CNTNAP2: variants seen among roughly 807,000 people sequenced by gnomAD.
CNTNAP2 encodes the protein contactin-associated protein-like 2.
CNTNAP2 carries 98 observed loss-of-function variants against 155.2 expected under a neutral mutation model. The observed-to-expected ratio is 0.63, with a 90% CI of 0.54 to 0.75. The LOEUF (loss-of-function observed/expected upper bound fraction) is 0.75. Ranked by LOEUF, CNTNAP2 falls within the 30% of genes least tolerant of loss-of-function variation. The probability of loss-of-function intolerance (pLI) is 0.00; values close to 1 mark genes in which losing one functional copy is unlikely to be tolerated. For missense variants in CNTNAP2, 1,727 were observed against 1,688.1 expected (o/e 1.02, Z -0.40); for synonymous variants, 651 against 631.2 (o/e 1.03, Z -0.47).
At chr7:148,236,916 G>C (rs1188198929) in intron 20 of CNTNAP2, among the ~76,000 whole-genome samples, 1 of 152,146 alleles carries the variant, frequency 6.6e-6, no homozygotes, top group Non-Finnish European at 1.5e-5. Flanking sequence ...GCACCAAGAG[G>C]GTGGTGCTAA....
intron 2 of CNTNAP2, among the ~76,000 whole-genome samples, chr7:146,795,881 C>T (rs758561358): frequency 2.0e-5 from 3 of 151,876 alleles, no homozygotes; most frequent in South Asian, 2.1e-4. Flanking sequence ...TATAATAACC[C>T]GAAAATGAAA....
chr7:146,420,348 A>G (rs1795993264), intron 1 of CNTNAP2, among the ~76,000 whole-genome samples: 1 of 152,066 alleles, frequency 6.6e-6, no homozygotes, highest in African/African-American at 2.4e-5. Context: ...GTTAATGAAC[A>G]AAGTCTCTGT....
rs1244532653 is a variant in CNTNAP2 at position 146,931,598 on chromosome 7, G to A, written c.402+91694G>A. ...AAATAACTAAAATCAGAGCAGAACT[G>A]AAGGAAATAGAGACACAAAAAACCC... On this transcript the variant is annotated intron_variant, in intron 3 of 23. Transcript: ENST00000361727. Among the ~76,000 whole-genome samples, 75 of 150,880 alleles carry A rather than the reference G, an allele frequency of 5.0e-4. 1 individual carries two copies. The East Asian group carries it at 0.013, about 25-fold the overall frequency.
At chr7:148,383,530 G>A in intron 21 of CNTNAP2, 119 bp from the exon 22 acceptor site, 1 of 1,421,516 alleles carries the variant, frequency 7.0e-7, no homozygotes, top group Non-Finnish European at 9.9e-7. Context: ...CCAAAACAAT[G>A]TAACATCTTA....
intron 1 of CNTNAP2, among the ~76,000 whole-genome samples, chr7:146,389,437 A>C (rs1318803084): frequency 1.3e-5 from 2 of 151,518 alleles, no homozygotes; most frequent in African/African-American, 2.4e-5. Context: ...TTTTCCTACT[A>C]TCTTTTCTAT....
intron 1 of CNTNAP2, among the ~76,000 whole-genome samples, chr7:146,463,052 G>A (rs1796662377): frequency 6.6e-6 from 1 of 152,084 alleles, no homozygotes; most frequent in Non-Finnish European, 1.5e-5. Flanking sequence ...CAAGGGAAGG[G>A]CAGAAAGAGG....
chr7:147,252,825 T>C (rs1429530613), intron 8 of CNTNAP2, among the ~76,000 whole-genome samples: 1 of 152,206 alleles, frequency 6.6e-6, no homozygotes, highest in Non-Finnish European at 1.5e-5. Flanking sequence ...ATGATGTAGG[T>C]ACAAGAATTA....
intron 4 of CNTNAP2, among the ~76,000 whole-genome samples, chr7:147,095,961 G>A (rs553896400): frequency 4.7e-4 from 72 of 152,154 alleles, no homozygotes; most frequent in East Asian, 2.9e-3. Flanking sequence ...TGGACCCCTC[G>A]TAAAAGTAGT....
At chr7:147,641,110 G>T (rs1032948088) in intron 13 of CNTNAP2, among the ~76,000 whole-genome samples, 1 of 152,212 alleles carries the variant, frequency 6.6e-6, no homozygotes, top group Non-Finnish European at 1.5e-5. Context: ...GCACATCAAA[G>T]CTTGCCGGCC....
chr7:147,499,310 TGA>T (rs1798767671), intron 11 of CNTNAP2, among the ~76,000 whole-genome samples: 1 of 151,960 alleles, frequency 6.6e-6, no homozygotes, highest in Admixed American at 6.6e-5. Flanking sequence ...GGGTAGATCA[TGA>T]GGTCAGGAGA....
chr7:148,018,605 T>C (rs1490078544), intron 15 of CNTNAP2, among the ~76,000 whole-genome samples: 1 of 152,146 alleles, frequency 6.6e-6, no homozygotes, highest in Non-Finnish European at 1.5e-5. Context: ...ACATTCAGGG[T>C]ATGTTGGGAG....
At chr7:147,390,146 G>C (rs951148588) in intron 9 of CNTNAP2, among the ~76,000 whole-genome samples, 1 of 152,172 alleles carries the variant, frequency 6.6e-6, no homozygotes, top group Non-Finnish European at 1.5e-5. Flanking sequence ...AGTTAAAACA[G>C]CAGGAGGTTC....
At chr7:147,653,832 T>C (rs1208543654) in intron 13 of CNTNAP2, among the ~76,000 whole-genome samples, 1 of 152,236 alleles carries the variant, frequency 6.6e-6, no homozygotes, top group Non-Finnish European at 1.5e-5. Flanking sequence ...AATCAATTAA[T>C]CTTTCTCTTT....
intron 1 of CNTNAP2, among the ~76,000 whole-genome samples, chr7:146,333,480 A>G (rs1039712935): frequency 2.0e-5 from 3 of 152,194 alleles, no homozygotes; most frequent in African/African-American, 7.2e-5. Flanking sequence ...AAAAGTAAGA[A>G]TTAAGTATGT....
intron 14 of CNTNAP2, among the ~76,000 whole-genome samples, chr7:147,904,783 T>G (rs1409966198): frequency 1.3e-5 from 2 of 152,234 alleles, no homozygotes; most frequent in Non-Finnish European, 2.9e-5. Context: ...TGGCTTAGAA[T>G]GTGTGTGTAT....
chr7:147,414,487 T>C (rs1178141949), intron 10 of CNTNAP2, among the ~76,000 whole-genome samples: 1 of 150,382 alleles, frequency 6.6e-6, no homozygotes, highest in Non-Finnish European at 1.5e-5. Context: ...AATATCTAAA[T>C]GTGTAGTTGT....
intron 4 of CNTNAP2, among the ~76,000 whole-genome samples, chr7:147,104,894 ATATATATATATATATAT>A (rs1023887463): frequency 6.8e-5 from 4 of 58,686 alleles, no homozygotes; most frequent in African/African-American, 2.7e-4. Flanking sequence ...ATATATATAT[ATATATATATATATATAT>A]ATATATGAAT....
intron 13 of CNTNAP2, among the ~76,000 whole-genome samples, chr7:147,688,278 C>T (rs902291250): frequency 1.3e-5 from 2 of 151,862 alleles, no homozygotes; most frequent in African/African-American, 2.4e-5. Context: ...TGTCGATAGC[C>T]CCAAAGAGAG....
chr7:147,923,728 T>C (rs1472301424), intron 14 of CNTNAP2, among the ~76,000 whole-genome samples: 2 of 152,078 alleles, frequency 1.3e-5, no homozygotes, highest in African/African-American at 2.4e-5. Flanking sequence ...GTAGGAATTT[T>C]CTGTGTTGCC....
Sources: gnomAD v4.1 joint callset for allele counts (sites outside exome capture counted in the v4.1 genomes callset) on GRCh38, gnomAD v4.1.1 for gene constraint, MANE v1.5 for transcripts, NCBI Gene and HGNC (gene_info 2026-07-23, HGNC 2026-07-21) for gene names.